RASGRP3: variants seen among roughly 807,000 people sequenced by gnomAD.
RASGRP3 encodes ras guanyl-releasing protein 3.
A neutral mutation model predicts 82.7 loss-of-function variants in RASGRP3; 54 were observed. The observed-to-expected ratio is 0.65, with a 90% confidence interval of 0.52 to 0.82. The LOEUF is 0.82. RASGRP3 is among the 40% of genes least tolerant of loss of function. The probability of loss-of-function intolerance (pLI) is 0.00; values close to 1 mark genes in which losing one functional copy is unlikely to be tolerated. For missense variants in RASGRP3, 861 were observed against 828.9 expected, an observed-to-expected ratio of 1.04 and a Z score of -0.48; for synonymous variants, 309 against 300.5, an observed-to-expected ratio of 1.03 and a Z score of -0.29.
chr2:33,482,529 T>G (rs1179814167), intron 1 of RASGRP3: 1 of 152,238 alleles, frequency 6.6e-6, no homozygotes, highest in African/African-American at 2.4e-5. Flanking sequence ...AAGTTCTGCC[T>G]GAGTATAGCA....
At chr2:33,461,133 G>C (rs900451833) in intron 2 of RASGRP3, among the ~76,000 whole-genome samples, 2 of 152,080 alleles carry the variant, frequency 1.3e-5, no homozygotes, top group African/African-American at 2.4e-5. Flanking sequence ...CCAATCCCTT[G>C]CCTCTCAATT....
At chr2:33,549,561 C>G (rs774371071) in intron 13 of RASGRP3, 43 bp from the exon 14 acceptor site, 2 of 1,572,554 alleles carry the variant, frequency 1.3e-6, no homozygotes, top group Non-Finnish European at 1.7e-6. Context: ...ACTTAGCAAC[C>G]TGTTATTTAA....
chr2:33,467,622 T>C (rs1666776942), intron 2 of RASGRP3, among the ~76,000 whole-genome samples: 1 of 152,202 alleles, frequency 6.6e-6, no homozygotes, highest in Non-Finnish European at 1.5e-5. Flanking sequence ...GTGCTTCAAA[T>C]TAACAGCAGG....
intron 16 of RASGRP3, 53 bp downstream of exon 16, chr2:33,558,389 A>G: frequency 1.2e-6 from 2 of 1,609,752 alleles, no homozygotes; most frequent in East Asian, 2.2e-5. Flanking sequence ...TTGCCTCCTC[A>G]CACTTGGACC....
At chr2:33,462,789 A>T (rs938388104) in intron 2 of RASGRP3, among the ~76,000 whole-genome samples, 1 of 152,210 alleles carries the variant, frequency 6.6e-6, no homozygotes, top group Non-Finnish European at 1.5e-5. Context: ...TTAAATATTT[A>T]CTTTGTGTCA....
chr2:33,514,648 G>A (rs1371256394), intron 2 of RASGRP3, among the ~76,000 whole-genome samples: 2 of 151,846 alleles, frequency 1.3e-5, no homozygotes, highest in Non-Finnish European at 2.9e-5. Flanking sequence ...TCGCACTACT[G>A]CACTCCTGTA....
chr2:33,514,306 C>T (rs1461353669), intron 2 of RASGRP3, among the ~76,000 whole-genome samples: 1 of 151,906 alleles, frequency 6.6e-6, no homozygotes, highest in East Asian at 1.9e-4. Context: ...TTTTTCCTTA[C>T]ATATTCTTTT....
At chr2:33,561,614 A>ATT (rs112177877) in intron 17 of RASGRP3, among the ~76,000 whole-genome samples, 3 of 147,170 alleles carry the variant, frequency 2.0e-5, no homozygotes, top group African/African-American at 5.0e-5. Flanking sequence ...CAAATTTAAG[A>ATT]TTTTTTTTTT....
chr2:33,501,203 C>G (rs1669844062), intron 1 of RASGRP3, among the ~76,000 whole-genome samples: 1 of 152,166 alleles, frequency 6.6e-6, no homozygotes, highest in Non-Finnish European at 1.5e-5. Context: ...GCCTCTTTCA[C>G]TTAGTATAAC....
In RASGRP3 at chr2:33,564,493, C is replaced by T. The variant is rs1464589072; in HGVS notation, c.*1756C>T. On this transcript the variant is annotated 3_prime_UTR_variant, in exon 18 of 18. Transcript: ENST00000403687. ...ATATGCATGTTAACAACATTAAAAA[C>T]AGCAAACAGCAATCTAAGTACAGAA... 1 of 152,168 alleles carries T rather than the reference C, an allele frequency of 6.6e-6. No individual in the cohort carries two copies. Among genetic ancestry groups the T allele is most frequent in the African/African-American group, 2.4e-5 (1 of 41,430 alleles). 9.4% of individuals were successfully genotyped at this position (152,168 alleles called of 1,614,324 possible).
chr2:33,481,526 T>C (rs1176737991), intron 1 of RASGRP3: 1 of 152,150 alleles, frequency 6.6e-6, no homozygotes, highest in East Asian at 1.9e-4. Context: ...TTACACAATC[T>C]GTGGAATTAT....
intron 1 of RASGRP3, among the ~76,000 whole-genome samples, chr2:33,491,620 C>A (rs1668851655): frequency 6.6e-6 from 1 of 152,094 alleles, no homozygotes; most frequent in Non-Finnish European, 1.5e-5. Flanking sequence ...TATCAGTTTC[C>A]TTAGTCTGGA....
Position 33,564,305 on chromosome 2 carries a change from A to AGAT in RASGRP3, c.*1569_*1571dup, listed in dbSNP as rs1159671157. On this transcript the variant is annotated 3_prime_UTR_variant, in exon 18 of 18. Coordinates refer to ENST00000403687, the MANE Select transcript of RASGRP3 (RefSeq NM_001139488.2). Reference sequence around the variant, plus strand: ...ACCAACTTGTGCCAACCAGATTTACAGATTGGAAATACTGCAGATGATGTG... The same window carrying AGAT: ...ACCAACTTGTGCCAACCAGATTTACAGATGATTGGAAATACTGCAGATGATGTG... 6.6e-6 allele frequency: 1 copy of AGAT among 152,208 alleles called. No individual in the cohort carries two copies. Among genetic ancestry groups the AGAT allele is most frequent in the African/African-American group, 2.4e-5 (1 of 41,444 alleles). 9.4% of individuals were successfully genotyped at this position (152,208 alleles called of 1,614,324 possible).
rs1372993754 is a variant in RASGRP3 at position 33,534,342 on chromosome 2, A to G, written c.1103A>G (p.His368Arg). ...TTGTAGCTTTCCCTGGACCTCTATC[A>G]CACTGAAGATGATATTTACAAACTG... ...NLLTLSLDLY[H>R]TEDDIYKLSL... The change falls in exon 11 of 18, where the codon CAC becomes CGC. Residue 368 changes from histidine (H) to arginine (R), a missense_variant. Transcript: ENST00000403687. The G allele has an allele frequency of 6.3e-7, 1 of 1,576,172 alleles. No homozygotes were observed. The highest frequency in any genetic ancestry group is 1.1e-5 in the South Asian group (1 of 89,592).
chr2:33,536,422 G>A (rs912173935), intron 11 of RASGRP3, among the ~76,000 whole-genome samples: 8 of 151,772 alleles, frequency 5.3e-5, no homozygotes, highest in African/African-American at 1.9e-4. Context: ...TTGGAGAGCT[G>A]GGATTCAGTG....
At chr2:33,544,106 G>C (rs1049285747) in intron 13 of RASGRP3, among the ~76,000 whole-genome samples, 13 of 152,258 alleles carry the variant, frequency 8.5e-5, no homozygotes, top group African/African-American at 2.9e-4. Context: ...TTGAGGCCAG[G>C]AGTTAAAGAC....
In RASGRP3 at chr2:33,564,206, T is replaced by C. The variant is rs908732121; in HGVS notation, c.*1469T>C. On this transcript the variant is annotated 3_prime_UTR_variant, in exon 18 of 18. Transcript: ENST00000403687. ...TTAAGAAAAACTTGGTCTTAGCCCT[T>C]GGGAGCTGACAGCCCATGGGCATTA... 1 of 152,222 alleles carries C rather than the reference T, an allele frequency of 6.6e-6. No individual in the cohort carries two copies. The highest frequency in any genetic ancestry group is 2.1e-4 in the South Asian group (1 of 4,828). The allele number at this position is 152,222 out of a possible 1,614,324, so 9.4% of individuals were successfully genotyped here.
chr2:33,495,600 A>T (rs1023561126), intron 1 of RASGRP3, among the ~76,000 whole-genome samples: 2 of 152,298 alleles, frequency 1.3e-5, no homozygotes, highest in South Asian at 4.2e-4. Context: ...TAGGAATAAG[A>T]AAAATTCTGG....
intron 10 of RASGRP3, among the ~76,000 whole-genome samples, chr2:33,530,702 A>G (rs535968507): frequency 6.6e-6 from 1 of 152,128 alleles, no homozygotes; most frequent in Non-Finnish European, 1.5e-5. Context: ...CATGATGTGC[A>G]GTAAAGGAAG....
Sources: allele counts gnomAD v4.1 joint callset (sites outside exome capture counted in the v4.1 genomes callset), GRCh38; gene constraint gnomAD v4.1.1; transcripts MANE v1.5; gene names NCBI Gene and HGNC (gene_info 2026-07-23, HGNC 2026-07-21).